The following USP25 variants were observed in gnomAD, a reference collection of about 807,000 sequenced individuals.
USP25 encodes the protein ubiquitin specific peptidase 25, also known as ubiquitin carboxyl-terminal hydrolase 25.
Under a neutral mutation model 158.5 loss-of-function variants are expected in USP25, and 85 were observed. That is an observed-to-expected ratio of 0.54 (90% confidence interval 0.45 to 0.64). USP25 has a LOEUF of 0.64. USP25 is among the 30% of genes least tolerant of loss of function. The pLI, the probability that USP25 is intolerant of heterozygous loss-of-function variation, is 0.00. For synonymous variants in USP25, 464 were observed against 460.4 expected (o/e 1.01, Z -0.10); for missense variants, 1,242 against 1,327.3 (o/e 0.94, Z 1.00).
intron 17 of USP25, among the ~76,000 whole-genome samples, chr21:15,834,905 T>C (rs1296366509): frequency 6.6e-6 from 1 of 152,182 alleles, no homozygotes; most frequent in Non-Finnish European, 1.5e-5. Flanking sequence ...TCCACAACAA[T>C]GTAGTTTTTA....
rs942906992 is a variant in USP25, at chr21:15,819,775, G to A, written c.1080+929G>A. ...GTTCTTGTGTTTTTGAGAACAAATT[G>A]CTTTTGTCTAAATTTTAATTTTTTT... is the stretch of plus-strand genomic sequence containing the variant. On this transcript the variant is annotated intron_variant, in intron 10 of 25. Transcript: ENST00000400183. 2.0e-5 allele frequency among the ~76,000 whole-genome samples: 3 copies of A among 152,120 alleles called. 1 individual carries two copies. Among genetic ancestry groups the A allele is most frequent in the African/African-American group, 2.4e-5 (1 of 41,514 alleles).
chr21:15,764,886 T>A (rs2033944346), intron 2 of USP25, among the ~76,000 whole-genome samples: 1 of 152,076 alleles, frequency 6.6e-6, no homozygotes, highest in South Asian at 2.1e-4. Context: ...GGAATTGGGG[T>A]AGGTCTTGGG....
intron 7 of USP25, among the ~76,000 whole-genome samples, chr21:15,807,255 A>G (rs2036437753): frequency 6.6e-6 from 1 of 152,090 alleles, no homozygotes; most frequent in Non-Finnish European, 1.5e-5. Flanking sequence ...TTTTAATCAT[A>G]CCTTTAATTG....
At chr21:15,869,681 A>G (rs535734464) in intron 22 of USP25, among the ~76,000 whole-genome samples, 2 of 152,168 alleles carry the variant, frequency 1.3e-5, no homozygotes, top group Non-Finnish European at 2.9e-5. Flanking sequence ...CCAAGCTTTG[A>G]TTCATACTCA....
intron 20 of USP25, among the ~76,000 whole-genome samples, chr21:15,854,849 G>T (rs1232292153): frequency 6.6e-6 from 1 of 152,152 alleles, no homozygotes; most frequent in Non-Finnish European, 1.5e-5. Context: ...AAAAAAAAAT[G>T]CAATGGGCTA....
chr21:15,852,863 C>T (rs2038948754), intron 20 of USP25, among the ~76,000 whole-genome samples: 1 of 152,062 alleles, frequency 6.6e-6, no homozygotes, highest in Non-Finnish European at 1.5e-5. Flanking sequence ...ATGAGTGTAA[C>T]CCCTTTATGT....
chr21:15,848,784 A>G (rs1412032554), intron 19 of USP25, among the ~76,000 whole-genome samples: 1 of 152,136 alleles, frequency 6.6e-6, no homozygotes, highest in East Asian at 1.9e-4. Context: ...TAAACTGGTC[A>G]GAGAGTTTTC....
At chr21:15,832,404 G>C (rs1198433797) in intron 16 of USP25, among the ~76,000 whole-genome samples, 1 of 152,086 alleles carries the variant, frequency 6.6e-6, no homozygotes, top group Non-Finnish European at 1.5e-5. Flanking sequence ...TTTATATTTA[G>C]TCATTCAGAA....
At chr21:15,853,088 CCATTCTTAG>C (rs1421864563) in intron 20 of USP25, among the ~76,000 whole-genome samples, 1 of 152,140 alleles carries the variant, frequency 6.6e-6, no homozygotes, top group East Asian at 1.9e-4. Flanking sequence ...CCTATTGTAA[CCATTCTTAG>C]CACTGTGTAT....
intron 21 of USP25, among the ~76,000 whole-genome samples, chr21:15,864,909 A>T (rs1325591528): frequency 4.6e-5 from 7 of 152,110 alleles, no homozygotes; most frequent in African/African-American, 1.4e-4. Context: ...GAGCAAAGTC[A>T]CCCTTATTAG....
chr21:15,776,804 C>T (rs1236672020), intron 3 of USP25, among the ~76,000 whole-genome samples: 1 of 152,150 alleles, frequency 6.6e-6, no homozygotes, highest in Admixed American at 6.5e-5. Context: ...CATGCCACTG[C>T]CCTCTAGCCT....
At chr21:15,797,043 C>T (rs948671989) in intron 5 of USP25, among the ~76,000 whole-genome samples, 1 of 151,314 alleles carries the variant, frequency 6.6e-6, no homozygotes, top group African/African-American at 2.4e-5. Flanking sequence ...CATTATTAGA[C>T]ACAACTGAAG....
intron 20 of USP25, among the ~76,000 whole-genome samples, chr21:15,853,279 ATACACATGTG>A (rs1306108406): frequency 3.1e-4 from 47 of 151,406 alleles, no homozygotes; most frequent in Non-Finnish European, 4.3e-4. Flanking sequence ...GTATACACAC[ATACACATGTG>A]TACACATGTG....
intron 20 of USP25, among the ~76,000 whole-genome samples, chr21:15,856,760 C>T (rs959277889): frequency 8.5e-5 from 13 of 152,092 alleles, no homozygotes; most frequent in Non-Finnish European, 1.6e-4. Flanking sequence ...CGTGAGCCAC[C>T]GCACCCGGCC....
rs767182819 is a variant in USP25 at position 15,874,496 on chromosome 21, G to A, written c.2979G>A (p.Leu993=). 1 of 1,609,372 alleles carries A rather than the reference G, an allele frequency of 6.2e-7. No individual in the cohort carries two copies. The highest frequency in any genetic ancestry group is 1.1e-5 in the South Asian group (1 of 90,410). ...TATACAGAGGACATGATGAAGAATT[G>A]ATATCACATTATAGAAGAGAATGTT... ...KGLYRGHDEE[L]ISHYRRECLL... Residue 993 remains leucine (L), a synonymous_variant, in exon 24 of 26, where the codon TTG becomes TTA. Transcript: ENST00000400183.
At chr21:15,735,292 T>TG (rs1409210559) in intron 1 of USP25, among the ~76,000 whole-genome samples, 1 of 152,144 alleles carries the variant, frequency 6.6e-6, no homozygotes, top group Non-Finnish European at 1.5e-5. Context: ...GAAAATATTC[T>TG]GGAAAAAAAA....
intron 20 of USP25, among the ~76,000 whole-genome samples, chr21:15,854,410 C>T (rs953025377): frequency 1.3e-5 from 2 of 152,006 alleles, no homozygotes; most frequent in African/African-American, 2.4e-5. Flanking sequence ...TCCCAAAGTG[C>T]TGGGATTACA....
intron 10 of USP25, among the ~76,000 whole-genome samples, chr21:15,819,900 G>A (rs1369263576): frequency 6.6e-6 from 1 of 151,438 alleles, no homozygotes; most frequent in Non-Finnish European, 1.5e-5. Flanking sequence ...TGCTTTTCCT[G>A]TTAAGAGGAA....
intron 4 of USP25, among the ~76,000 whole-genome samples, chr21:15,782,033 G>A (rs1003800132): frequency 8.5e-5 from 13 of 152,166 alleles, no homozygotes; most frequent in African/African-American, 3.1e-4. Flanking sequence ...TCACACAAGT[G>A]CCTCTAGCAC....
Sources: allele counts gnomAD v4.1 joint callset (sites outside exome capture counted in the v4.1 genomes callset), GRCh38; gene constraint gnomAD v4.1.1; transcripts MANE v1.5; gene names NCBI Gene and HGNC (gene_info 2026-07-23, HGNC 2026-07-21).